CTNNA2: variants seen among roughly 807,000 people sequenced by gnomAD.
The protein encoded by CTNNA2 is catenin alpha 2.
A neutral mutation model predicts 101.0 loss-of-function variants in CTNNA2; 42 were observed. The ratio of observed to expected loss-of-function variants is 0.42; its 90% CI spans 0.32 to 0.54. CTNNA2 has a LOEUF of 0.54. Among genes scored for constraint, CTNNA2 ranks in the 20% least tolerant of loss-of-function variants. The pLI is 0.14. For synonymous variants in CTNNA2, 450 were observed against 456.4 expected, an observed-to-expected ratio of 0.99 and a Z score of 0.18; for missense variants, 871 against 1,223.1, an observed-to-expected ratio of 0.71 and a Z score of 4.29.
At chr2:80,558,914 A>C (rs947961480) in intron 12 of CTNNA2, among the ~76,000 whole-genome samples, 1 of 152,162 alleles carries the variant, frequency 6.6e-6, no homozygotes, top group Admixed American at 6.6e-5. Context: ...AGACATGCTC[A>C]ACCTCTGTAC....
intron 15 of CTNNA2, among the ~76,000 whole-genome samples, chr2:80,592,756 G>A (rs1287248312): frequency 1.3e-5 from 2 of 152,054 alleles, no homozygotes; most frequent in African/African-American, 4.8e-5. Context: ...ACATGTTAGA[G>A]GTATTGAGAA....
intron 7 of CTNNA2, among the ~76,000 whole-genome samples, chr2:80,101,313 C>A (rs1351854): frequency 0.093 from 14,135 of 152,158 alleles, 2,059 homozygotes; most frequent in African/African-American, 0.31. Flanking sequence ...CACTGTCAAC[C>A]TAAGTTCTGT....
At chr2:80,194,509 C>G (rs11889505) in intron 7 of CTNNA2, among the ~76,000 whole-genome samples, 2,937 of 150,068 alleles carry the variant, frequency 0.02, 101 homozygotes, top group African/African-American at 0.067. Context: ...TTTTTTTACA[C>G]TAAGGTATGC....
chr2:80,279,487 A>T (rs908744306), intron 7 of CTNNA2, among the ~76,000 whole-genome samples: 11 of 152,102 alleles, frequency 7.2e-5, no homozygotes, highest in African/African-American at 2.4e-4. Context: ...AGTTTTGATG[A>T]TTTCAAAGGC....
chr2:79,603,047 A>G (rs947572688), intron 1 of CTNNA2, among the ~76,000 whole-genome samples: 12 of 152,196 alleles, frequency 7.9e-5, no homozygotes, highest in Admixed American at 1.3e-4. Flanking sequence ...CACAGTAGTT[A>G]AAACAAAGGG....
chr2:79,329,927 A>G (rs901861463), intron 3 of CTNNA2, among the ~76,000 whole-genome samples: 6 of 152,094 alleles, frequency 3.9e-5, no homozygotes, highest in Non-Finnish European at 8.8e-5. Flanking sequence ...CACTCCTGCA[A>G]TTTGCCCCAG....
chr2:80,336,724 T>TA (rs2149271396), intron 7 of CTNNA2, among the ~76,000 whole-genome samples: 1 of 152,336 alleles, frequency 6.6e-6, no homozygotes, highest in East Asian at 1.9e-4. Context: ...CTTGTTTATA[T>TA]AGAAAACATT....
intron 1 of CTNNA2, among the ~76,000 whole-genome samples, chr2:79,582,171 C>A (rs1057268165): frequency 2.6e-5 from 4 of 152,164 alleles, no homozygotes; most frequent in Non-Finnish European, 5.9e-5. Context: ...GTAAAATGGG[C>A]ATTATAATTG....
chr2:80,095,013 T>G (rs1301099214), intron 7 of CTNNA2, among the ~76,000 whole-genome samples: 1 of 152,216 alleles, frequency 6.6e-6, no homozygotes, highest in African/African-American at 2.4e-5. Flanking sequence ...CCTGCCTGAT[T>G]GCCCTGGCCA....
At chr2:80,312,515 G>T (rs1025399967) in intron 7 of CTNNA2, among the ~76,000 whole-genome samples, 2 of 152,204 alleles carry the variant, frequency 1.3e-5, no homozygotes, top group African/African-American at 4.8e-5. Context: ...ATTAGGACTA[G>T]TGGGAAAGTT....
chr2:79,561,474 G>GGTA (rs1193433389), intron 1 of CTNNA2, among the ~76,000 whole-genome samples: 10 of 151,740 alleles, frequency 6.6e-5, no homozygotes, highest in Admixed American at 6.6e-4. Flanking sequence ...TTAGTTGCAT[G>GGTA]GTAACGCTAA....
At chr2:80,344,620 G>A (rs1448565756) in intron 7 of CTNNA2, among the ~76,000 whole-genome samples, 3 of 152,176 alleles carry the variant, frequency 2.0e-5, no homozygotes, top group Non-Finnish European at 4.4e-5. Flanking sequence ...AAGTAGCTGA[G>A]ACCATGGCCC....
intron 4 of CTNNA2, among the ~76,000 whole-genome samples, chr2:79,459,767 G>A (rs1317008569): frequency 6.6e-6 from 1 of 152,060 alleles, no homozygotes; most frequent in African/African-American, 2.4e-5. Flanking sequence ...TCTTTGACAT[G>A]TCACTTCTGG....
intron 2 of CTNNA2, among the ~76,000 whole-genome samples, chr2:79,664,674 A>G (rs191649950): frequency 1.8e-4 from 27 of 149,996 alleles, no homozygotes; most frequent in African/African-American, 5.6e-4. Context: ...ATATATTGCT[A>G]ATTTGTAAAT....
intron 1 of CTNNA2, among the ~76,000 whole-genome samples, chr2:79,605,241 GC>G (rs1677807479): frequency 6.6e-6 from 1 of 152,050 alleles, no homozygotes; most frequent in East Asian, 1.9e-4. Flanking sequence ...TGGTAGATTC[GC>G]CATGATAGGA....
intron 17 of CTNNA2, among the ~76,000 whole-genome samples, chr2:80,613,490 G>A (rs941554621): frequency 2.6e-5 from 4 of 151,364 alleles, no homozygotes; most frequent in South Asian, 4.2e-4. Context: ...CTTTTGCACT[G>A]CACCTGTGTC....
chr2:80,265,266 C>T (rs1304129481), intron 7 of CTNNA2, among the ~76,000 whole-genome samples: 1 of 152,152 alleles, frequency 6.6e-6, no homozygotes, highest in African/African-American at 2.4e-5. Context: ...TGAGCCACTC[C>T]TCCCGGCCAG....
rs540694376 is a variant in CTNNA2 at position 79,374,518 on chromosome 2, A to AT, written c.-135+506dup. On this transcript the variant is annotated intron_variant, in intron 4 of 21. Transcript: ENST00000466387. The stretch of plus-strand genomic sequence containing the variant: ...TAAGCATCATTAGAGTAATATATAT[A>AT]TATTTTTCTATTGTGCTTCTTCGGT... Among the ~76,000 whole-genome samples, 428 of 89,290 alleles carry AT rather than the reference A, an allele frequency of 4.8e-3. 3 individuals carry two copies. The highest frequency in any genetic ancestry group is 0.023 in the African/African-American group (386 of 16,686). The allele number at this position is 89,290 out of a possible 152,430, so 58.6% of individuals were successfully genotyped here. A position where few individuals can be genotyped will look rare whatever the true frequency, so the allele number is the denominator to read the frequency against.
intron 1 of CTNNA2, among the ~76,000 whole-genome samples, chr2:79,191,326 G>A (rs1408397371): frequency 6.6e-6 from 1 of 152,210 alleles, no homozygotes; most frequent in Non-Finnish European, 1.5e-5. Context: ...TCCATACACT[G>A]TAATGGCATA....
Sources: gnomAD v4.1 joint callset for allele counts (sites outside exome capture counted in the v4.1 genomes callset) on GRCh38, gnomAD v4.1.1 for gene constraint, MANE v1.5 for transcripts, NCBI Gene and HGNC (gene_info 2026-07-23, HGNC 2026-07-21) for gene names.